STON2: variants seen among roughly 807,000 people sequenced by gnomAD.
The protein encoded by STON2 is stonin-2.
A neutral mutation model predicts 65.7 loss-of-function variants in STON2; 29 were observed. That is an observed-to-expected ratio of 0.44 (90% CI 0.33 to 0.60). STON2 has a LOEUF of 0.60. Among genes scored for constraint, STON2 ranks in the 20% least tolerant of loss-of-function variants. The pLI is 0.03. For synonymous variants in STON2, 404 were observed against 414.2 expected (o/e 0.98, Z 0.30); for missense variants, 1,054 against 1,118.1 (o/e 0.94, Z 0.82).
At chr14:81,417,140 G>A (rs1036055377) in intron 2 of STON2, among the ~76,000 whole-genome samples, 19 of 152,090 alleles carry the variant, frequency 1.2e-4, no homozygotes, top group Non-Finnish European at 2.8e-4. Context: ...ATCCCAAAAG[G>A]ACTCACTGAC....
Position 81,276,942 on chromosome 14 carries a change from G to C in STON2, c.2540C>G (p.Ser847Cys). 6.2e-7 allele frequency: 1 copy of C among 1,614,164 alleles called. No individual in the cohort carries two copies. The highest frequency in any genetic ancestry group is 8.5e-7 in the Non-Finnish European group (1 of 1,180,022). ...GTAKYEHAFN[S>C]IVWRINRLPD... ...CAGTCGGTTTATCCTCCACACAATG[G>C]AGTTGAAGGCATGCTCGTACTTGGC... is the stretch of plus-strand genomic sequence containing the variant. The change falls in exon 6 of 8, where the codon TCC becomes TGC. Residue 847 changes from serine to cysteine, a missense_variant. Coordinates refer to ENST00000614646, the MANE Select transcript of STON2 (RefSeq NM_001394390.1).
At chr14:81,332,289 G>A (rs1014680475) in intron 4 of STON2, among the ~76,000 whole-genome samples, 2 of 152,090 alleles carry the variant, frequency 1.3e-5, no homozygotes, top group African/African-American at 2.4e-5. Flanking sequence ...TGTATGTTTG[G>A]GATGATTCTG....
intron 5 of STON2, among the ~76,000 whole-genome samples, chr14:81,295,331 G>C (rs575967898): frequency 1.3e-5 from 2 of 152,038 alleles, no homozygotes; most frequent in South Asian, 2.1e-4. Context: ...TCTCAAAAAA[G>C]AAAAGAAAAG....
intron 5 of STON2, among the ~76,000 whole-genome samples, chr14:81,312,113 C>T (rs765832835): frequency 2.6e-5 from 4 of 152,230 alleles, no homozygotes; most frequent in Non-Finnish European, 5.9e-5. Context: ...AAAATTCCTT[C>T]TCCCTCATAA....
chr14:81,430,134 C>T (rs1477723323), intron 1 of STON2, among the ~76,000 whole-genome samples: 2 of 152,082 alleles, frequency 1.3e-5, no homozygotes, highest in East Asian at 1.9e-4. Flanking sequence ...CCATCCAGCC[C>T]GGAGTAGCTG....
chr14:81,388,663 G>C (rs1899937964), intron 3 of STON2, among the ~76,000 whole-genome samples: 1 of 152,186 alleles, frequency 6.6e-6, no homozygotes, highest in Admixed American at 6.5e-5. Flanking sequence ...CCAGGCTGAA[G>C]TCCAATGCTC....
At chr14:81,322,926 T>C (rs1167910260) in intron 5 of STON2, among the ~76,000 whole-genome samples, 1 of 152,212 alleles carries the variant, frequency 6.6e-6, no homozygotes, top group Non-Finnish European at 1.5e-5. Context: ...TTCAGAGTCA[T>C]CTGGCATAGG....
chr14:81,279,486 C>T (rs888986557), intron 5 of STON2, among the ~76,000 whole-genome samples: 2 of 152,052 alleles, frequency 1.3e-5, no homozygotes, highest in East Asian at 1.9e-4. Flanking sequence ...GTCAGGAATT[C>T]GGCACCAGCC....
At chr14:81,420,648 C>T (rs1045562362) in intron 2 of STON2, among the ~76,000 whole-genome samples, 2 of 152,114 alleles carry the variant, frequency 1.3e-5, no homozygotes, top group Non-Finnish European at 2.9e-5. Flanking sequence ...TGAAGAATAA[C>T]AGGGAAGGTA....
intron 4 of STON2, among the ~76,000 whole-genome samples, chr14:81,343,013 C>T (rs1356100059): frequency 2.0e-5 from 3 of 152,190 alleles, no homozygotes; most frequent in Non-Finnish European, 4.4e-5. Flanking sequence ...GTGGAGACCA[C>T]ATCTCAGGGA....
intron 6 of STON2, 138 bp from the exon 7 acceptor site, chr14:81,271,010 C>T (rs569307061): frequency 5.8e-5 from 66 of 1,143,870 alleles, no homozygotes; most frequent in African/African-American, 3.9e-4. Flanking sequence ...GTGTTGAGCA[C>T]GAGGATCCGC....
At chr14:81,306,946 G>A (rs963870760) in intron 5 of STON2, among the ~76,000 whole-genome samples, 1 of 152,150 alleles carries the variant, frequency 6.6e-6, no homozygotes, top group Non-Finnish European at 1.5e-5. Flanking sequence ...TATTTAAATG[G>A]GGAGCAAACA....
chr14:81,387,651 G>A (rs556186137), intron 3 of STON2, among the ~76,000 whole-genome samples: 1 of 152,000 alleles, frequency 6.6e-6, no homozygotes, highest in African/African-American at 2.4e-5. Context: ...CATTTTGGGA[G>A]GCTGAGGTGG....
chr14:81,395,908 T>C lies in STON2; in HGVS notation c.359A>G (p.Glu120Gly), dbSNP rs772972172. The change falls in exon 3 of 8, where the codon GAA becomes GGA. Residue 120 changes from glutamate to glycine, a missense_variant. Coordinates refer to ENST00000614646, the MANE Select transcript of STON2 (RefSeq NM_001394390.1). ...TACCTCCTCACCTGTCTCAGCTGTT[T>C]CCTGATGAGGTGGAGATGTGCTGGC... ...PWASTSPPHQ[E>G]TAETALPLTM... 1.2e-6 allele frequency: 2 copies of C among 1,614,056 alleles called. No homozygotes were observed. Among genetic ancestry groups the C allele is most frequent in the South Asian group, 2.2e-5 (2 of 91,070 alleles).
intron 6 of STON2, among the ~76,000 whole-genome samples, chr14:81,274,012 C>T (rs1477105346): frequency 6.6e-6 from 1 of 152,182 alleles, no homozygotes; most frequent in East Asian, 1.9e-4. Context: ...TGAAAGATAA[C>T]CATCAATTCT....
Position 81,264,730 on chromosome 14 carries a change from G to A in STON2, c.*3684C>T, listed in dbSNP as rs1235352347. On this transcript the variant is annotated 3_prime_UTR_variant, in exon 8 of 8. Coordinates refer to ENST00000614646, the MANE Select transcript of STON2 (RefSeq NM_001394390.1). ...CAATAATGCAGGAAGGCACAGTAAG[G>A]GAAGAGCCAAATAGAAAAAATGAAA... The A allele has an allele frequency of 1.0e-6, 1 of 985,236 alleles. No homozygotes were observed. Among genetic ancestry groups the A allele is most frequent in the African/African-American group, 1.7e-5 (1 of 57,210 alleles). 61.0% of individuals were successfully genotyped at this position (985,236 alleles called of 1,614,324 possible).
chr14:81,294,823 C>G (rs1205112780), intron 5 of STON2, among the ~76,000 whole-genome samples: 4 of 152,158 alleles, frequency 2.6e-5, no homozygotes, highest in Admixed American at 2.6e-4. Context: ...AATCCTAATC[C>G]CTGCCCTAGT....
chr14:81,433,976 C>G (rs1049846077), intron 1 of STON2, among the ~76,000 whole-genome samples: 1 of 152,136 alleles, frequency 6.6e-6, no homozygotes, highest in Non-Finnish European at 1.5e-5. Context: ...CCACCTCACC[C>G]CTGCCTGCAC....
intron 3 of STON2, among the ~76,000 whole-genome samples, chr14:81,392,787 A>G (rs1900142234): frequency 6.6e-6 from 1 of 152,320 alleles, no homozygotes; most frequent in East Asian, 1.9e-4. Context: ...TGTTAAAAAG[A>G]CATACTCAAG....
Sources: allele counts gnomAD v4.1 joint callset (sites outside exome capture counted in the v4.1 genomes callset), GRCh38; gene constraint gnomAD v4.1.1; transcripts MANE v1.5; gene names NCBI Gene and HGNC (gene_info 2026-07-23, HGNC 2026-07-21).